The following VPS41 variants were observed in gnomAD, a reference collection of about 807,000 sequenced individuals.
VPS41 encodes the protein VPS41 subunit of HOPS complex, also known as vacuolar protein sorting-associated protein 41 homolog.
In VPS41, 85 loss-of-function variants were observed where a neutral mutation model predicts 130.9. That is an observed-to-expected ratio of 0.65 (90% CI 0.55 to 0.78). The LOEUF (loss-of-function observed/expected upper bound fraction) is 0.78. VPS41 is among the 30% of genes least tolerant of loss of function. The pLI is 0.00. For missense variants in VPS41, 874 were observed against 1,018.7 expected (o/e 0.86, Z 1.93); for synonymous variants, 335 against 332.9 (o/e 1.01, Z -0.07).
intron 2 of VPS41, among the ~76,000 whole-genome samples, chr7:38,889,830 C>T (rs558981512): frequency 5.3e-4 from 81 of 152,216 alleles, no homozygotes; most frequent in Non-Finnish European, 1.1e-3. Context: ...TCTTAAATGA[C>T]ATTTGATAGT....
At chr7:38,748,866 T>C (rs979093572) in intron 22 of VPS41, among the ~76,000 whole-genome samples, 3 of 152,126 alleles carry the variant, frequency 2.0e-5, no homozygotes, top group Non-Finnish European at 4.4e-5. Flanking sequence ...TTATTAGCTC[T>C]AGACTTTAGG....
chr7:38,885,978 T>A (rs1786721328), intron 2 of VPS41, among the ~76,000 whole-genome samples: 1 of 151,990 alleles, frequency 6.6e-6, no homozygotes, highest in Admixed American at 6.5e-5. Context: ...CAAGAGAATG[T>A]ATACCCTCTG....
chr7:38,730,981 T>A (rs1420717872), intron 25 of VPS41, among the ~76,000 whole-genome samples: 1 of 152,134 alleles, frequency 6.6e-6, no homozygotes, highest in East Asian at 1.9e-4. Context: ...ACAGGTACAA[T>A]CTGTCCGCCT....
At chr7:38,790,910 A>C (rs1408706055) in intron 9 of VPS41, among the ~76,000 whole-genome samples, 1 of 152,256 alleles carries the variant, frequency 6.6e-6, no homozygotes, top group Non-Finnish European at 1.5e-5. Context: ...ACTTTTGTTT[A>C]CTTAGGATAA....
intron 7 of VPS41, among the ~76,000 whole-genome samples, chr7:38,812,966 C>T (rs543569528): frequency 7.9e-5 from 12 of 152,208 alleles, no homozygotes; most frequent in South Asian, 2.1e-4. Context: ...CTTTGGGAAA[C>T]GGTTTGGCAA....
chr7:38,779,389 T>A (rs1784318006), intron 10 of VPS41, among the ~76,000 whole-genome samples: 1 of 152,238 alleles, frequency 6.6e-6, no homozygotes, highest in Non-Finnish European at 1.5e-5. Flanking sequence ...GAAAACAAAA[T>A]TGCAATTATA....
intron 4 of VPS41, among the ~76,000 whole-genome samples, chr7:38,843,606 C>A (rs1250258421): frequency 6.6e-6 from 1 of 151,154 alleles, no homozygotes; most frequent in Non-Finnish European, 1.5e-5. Flanking sequence ...GGCACGAACC[C>A]GGGAGGCGGA....
At chr7:38,767,313 C>T (rs557042951) in intron 15 of VPS41, among the ~76,000 whole-genome samples, 5 of 152,034 alleles carry the variant, frequency 3.3e-5, no homozygotes, top group East Asian at 1.9e-4. Flanking sequence ...AATTCTCCTT[C>T]GGTAAAAATG....
At chr7:38,735,583 A>G (rs1278074692) in intron 25 of VPS41, among the ~76,000 whole-genome samples, 1 of 152,050 alleles carries the variant, frequency 6.6e-6, no homozygotes, top group Non-Finnish European at 1.5e-5. Context: ...GTGTTAAGGC[A>G]TTTTACTTCT....
At chr7:38,856,342 T>C (rs1363362717) in intron 4 of VPS41, among the ~76,000 whole-genome samples, 1 of 152,078 alleles carries the variant, frequency 6.6e-6, no homozygotes, top group East Asian at 1.9e-4. Flanking sequence ...TCCCCAATTC[T>C]AAATACCATC....
At chr7:38,728,872 C>A in intron 25 of VPS41, 81 bp from the exon 26 acceptor site, 1 of 1,223,946 alleles carries the variant, frequency 8.2e-7, no homozygotes. Flanking sequence ...CTGGGGATTC[C>A]AAAAGCTGGC....
rs971434335 is a variant in VPS41 at position 38,729,380 on chromosome 7, T to C, written c.2260-589A>G. Among the ~76,000 whole-genome samples, 7 of 152,076 alleles carry C rather than the reference T, an allele frequency of 4.6e-5. No individual in the cohort carries two copies. The South Asian group carries it at 8.3e-4, about 18-fold the overall frequency. Reference sequence around the variant, plus strand: ...CCTATCTTTTTCTTTCCAAATCTAATCCAAACCATTCAGCATAGTGCTATG... The same window carrying C: ...CCTATCTTTTTCTTTCCAAATCTAACCCAAACCATTCAGCATAGTGCTATG... On this transcript the variant is annotated intron_variant, in intron 25 of 28. Transcript: ENST00000310301.
At chr7:38,828,437 ATTAT>A (rs1438300469) in intron 5 of VPS41, among the ~76,000 whole-genome samples, 5 of 152,164 alleles carry the variant, frequency 3.3e-5, no homozygotes, top group East Asian at 1.9e-4. Context: ...CTAATAAATA[ATTAT>A]TTATCTAGGA....
Position 38,756,829 on chromosome 7 carries a change from G to A in VPS41, c.1695+9C>T. 6.6e-7 allele frequency: 1 copy of A among 1,512,020 alleles called. No individual in the cohort carries two copies. Among genetic ancestry groups the A allele is most frequent in the South Asian group, 1.2e-5 (1 of 85,196 alleles). 93.7% of individuals were successfully genotyped at this position (1,512,020 alleles called of 1,614,324 possible). A position where few individuals can be genotyped will look rare whatever the true frequency, so the allele number is the denominator to read the frequency against. On this transcript the variant is annotated intron_variant, in intron 19 of 28. Coordinates refer to ENST00000310301, the MANE Select transcript of VPS41 (RefSeq NM_014396.4). The stretch of plus-strand genomic sequence containing the variant: ...ATAATTGACAGTACTAAAATAAAAA[G>A]CACATTACCTCTGAATCAAAATCCA...
intron 2 of VPS41, among the ~76,000 whole-genome samples, chr7:38,892,467 G>A (rs1786886763): frequency 1.3e-5 from 2 of 152,104 alleles, no homozygotes; most frequent in African/African-American, 2.4e-5. Context: ...GTTCATTTTT[G>A]TAATGATCAT....
chr7:38,747,973 A>T (rs1347287397), intron 22 of VPS41, among the ~76,000 whole-genome samples: 5 of 152,242 alleles, frequency 3.3e-5, no homozygotes, highest in African/African-American at 1.2e-4. Context: ...TTCAAAGATA[A>T]TTTGAGTCTC....
intron 25 of VPS41, among the ~76,000 whole-genome samples, chr7:38,729,464 A>G (rs1795614783): frequency 6.6e-6 from 1 of 151,944 alleles, no homozygotes; most frequent in Non-Finnish European, 1.5e-5. Flanking sequence ...AAATTTGGTG[A>G]CTCCTGGGAG....
At position 38,752,171 on chromosome 7, in the gene VPS41, C is replaced by T. The variant is rs1437943138; in HGVS notation, c.1926+5G>A. ...AGTGTACAAGTCGGGGAGTCTGTGC[C>T]TTACCTTTTCAAGTGGGCAATGGGT... On this transcript the variant is annotated splice_donor_5th_base_variant and intron_variant, in intron 22 of 28. Transcript: ENST00000310301. The T allele has an allele frequency of 1.9e-6, 3 of 1,613,672 alleles. No homozygotes were observed. Among genetic ancestry groups the T allele is most frequent in the Non-Finnish European group, 2.5e-6 (3 of 1,179,756 alleles).
chr7:38,740,083 C>A (rs1463522564), intron 25 of VPS41, among the ~76,000 whole-genome samples: 1 of 152,144 alleles, frequency 6.6e-6, no homozygotes, highest in African/African-American at 2.4e-5. Context: ...GTCTTGCAGT[C>A]ATTGCGGAGG....
Sources: gnomAD v4.1 joint callset for allele counts (sites outside exome capture counted in the v4.1 genomes callset) on GRCh38, gnomAD v4.1.1 for gene constraint, MANE v1.5 for transcripts, NCBI Gene and HGNC (gene_info 2026-07-23, HGNC 2026-07-21) for gene names.